LARP1: variants seen among roughly 807,000 people sequenced by gnomAD.
The protein encoded by LARP1 is La ribonucleoprotein 1, translational regulator, also known as la-related protein 1.
LARP1 carries 36 observed loss-of-function variants against 122.7 expected under a neutral mutation model. The observed-to-expected ratio is 0.29, with a 90% CI of 0.22 to 0.39. The LOEUF is 0.39. Among genes scored for constraint, LARP1 ranks in the 10% least tolerant of loss-of-function variants. The pLI, the probability that LARP1 is intolerant of heterozygous loss-of-function variation, is 1.00. For synonymous variants in LARP1, 539 were observed against 528.7 expected, an observed-to-expected ratio of 1.02 and a Z score of -0.27; for missense variants, 1,040 against 1,403.6, an observed-to-expected ratio of 0.74 and a Z score of 4.14.
rs1758421680 is a variant in LARP1 at position 154,802,428 on chromosome 5, G to A, written c.2109+29G>A. On this transcript the variant is annotated intron_variant, in intron 11 of 18. Coordinates refer to ENST00000518297, the MANE Select transcript of LARP1 (RefSeq NM_033551.3). The surrounding 1 kb of genome is among the most constrained non-coding windows in gnomAD (Gnocchi z 5.1). Reference sequence around the variant, plus strand: ...AGGCTTGGACATAGCAGTGAGTGTGGAGCCTGGTGTGCCTGTATTGTACGG... The same window carrying A: ...AGGCTTGGACATAGCAGTGAGTGTGAAGCCTGGTGTGCCTGTATTGTACGG... 1.3e-6 allele frequency: 2 copies of A among 1,557,762 alleles called. No individual in the cohort carries two copies. The highest frequency in any genetic ancestry group is 2.3e-5 in the East Asian group (1 of 44,370).
Position 154,815,004 on chromosome 5 carries a change from A to T in LARP1, c.*908A>T, listed in dbSNP as rs879413608. On this transcript the variant is annotated 3_prime_UTR_variant, in exon 19 of 19. Coordinates refer to ENST00000518297, the MANE Select transcript of LARP1 (RefSeq NM_033551.3). ...TTGTTTTTGGAAATAATATTTTTTTAAAAGTTGCCTTATTGTGGAGCGGGA... is the reference window on the plus strand; with the variant it reads ...TTGTTTTTGGAAATAATATTTTTTTTAAAGTTGCCTTATTGTGGAGCGGGA... The T allele has an allele frequency of 8.5e-5, 13 of 152,280 alleles. No homozygotes were observed. Among genetic ancestry groups the T allele is most frequent in the Non-Finnish European group, 1.3e-4 (9 of 67,956 alleles). 9.4% of individuals were successfully genotyped at this position (152,280 alleles called of 1,614,324 possible). A position where few individuals can be genotyped will look rare whatever the true frequency, so the allele number is the denominator to read the frequency against.
chr5:154,752,650 T>C (rs1381263566), upstream of LARP1, among the ~76,000 whole-genome samples: 2 of 152,060 alleles, frequency 1.3e-5, no homozygotes, highest in Non-Finnish European at 2.9e-5. Flanking sequence ...GCCTAAGATG[T>C]TGTCTCGGCC....
At chr5:154,804,765 T>G (rs781323582) in intron 14 of LARP1, 4 of 456,192 alleles carry the variant, frequency 8.8e-6, no homozygotes, top group Non-Finnish European at 1.3e-5. Flanking sequence ...TCTTTTTTAT[T>G]TATTTCAGTA....
intron 3 of LARP1, among the ~76,000 whole-genome samples, chr5:154,791,192 T>C (rs1254181244): frequency 2.1e-5 from 3 of 145,090 alleles, no homozygotes; most frequent in Non-Finnish European, 3.0e-5. Context: ...TGGAGTGCAA[T>C]GGTGTGATCT....
chr5:154,761,657 A>T (rs1185718467), intron 1 of LARP1, among the ~76,000 whole-genome samples: 1 of 152,158 alleles, frequency 6.6e-6, no homozygotes, highest in Non-Finnish European at 1.5e-5. Context: ...AGAGTGATCT[A>T]AGGGAGTGGC....
intron 4 of LARP1, among the ~76,000 whole-genome samples, chr5:154,793,269 G>A (rs1019301375): frequency 2.6e-5 from 4 of 152,128 alleles, no homozygotes; most frequent in African/African-American, 9.7e-5. Flanking sequence ...AGCTCTCGTA[G>A]GCAGTGTTTT....
intron 16 of LARP1, among the ~76,000 whole-genome samples, chr5:154,810,590 C>T (rs13181922): frequency 4.6e-5 from 7 of 151,942 alleles, no homozygotes; most frequent in African/African-American, 1.7e-4. Flanking sequence ...CAGGTTCAAG[C>T]GATTCTTCTG....
intron 1 of LARP1, among the ~76,000 whole-genome samples, chr5:154,780,312 C>T (rs534796424): frequency 9.2e-5 from 14 of 152,322 alleles, no homozygotes; most frequent in African/African-American, 3.4e-4. Context: ...AATGGGGCCC[C>T]TCTCAGAGCC....
At chr5:154,811,733 A>G (rs1312538029) in intron 18 of LARP1, 93 bp downstream of exon 18, 9 of 1,504,242 alleles carry the variant, frequency 6.0e-6, no homozygotes, top group Non-Finnish European at 8.2e-6. Flanking sequence ...CTGTGCCCCT[A>G]GCCCAGGAAC....
At chr5:154,772,904 C>G (rs1281403450) in intron 1 of LARP1, among the ~76,000 whole-genome samples, 3 of 151,244 alleles carry the variant, frequency 2.0e-5, no homozygotes, top group Non-Finnish European at 4.4e-5. Flanking sequence ...TCAGTCTGGT[C>G]TCGAACTCCT....
intron 1 of LARP1, among the ~76,000 whole-genome samples, chr5:154,772,557 A>T (rs777437646): frequency 2.2e-4 from 33 of 152,230 alleles, no homozygotes; most frequent in Non-Finnish European, 4.3e-4. Flanking sequence ...TCCTATACAT[A>T]TGTAACTGTG....
intron 1 of LARP1, among the ~76,000 whole-genome samples, chr5:154,757,475 C>G (rs576823551): frequency 6.6e-6 from 1 of 151,866 alleles, no homozygotes; most frequent in Non-Finnish European, 1.5e-5. Context: ...GTTTTGGGTC[C>G]GTTTGTGGTG....
chr5:154,686,721 G>A (rs576168507), intron 1 of LARP1, among the ~76,000 whole-genome samples: 30 of 152,274 alleles, frequency 2.0e-4, no homozygotes, highest in African/African-American at 7.2e-4. Flanking sequence ...TTTGGAGATG[G>A]CCGACAGACT....
rs560396146 is a variant in LARP1, at chr5:154,812,927, G to A, written c.3082-960G>A. ...CAATTATCTCCACCTGGTCCCTCCC[G>A]CGACATGTGGGGATTATGGGAACTA... is the stretch of plus-strand genomic sequence containing the variant. On this transcript the variant is annotated intron_variant, in intron 18 of 18. Transcript: ENST00000518297. Among the ~76,000 whole-genome samples, 29 of 152,244 alleles carry A rather than the reference G, an allele frequency of 1.9e-4. No individual in the cohort carries two copies. The South Asian group carries it at 5.6e-3, about 29-fold the overall frequency.
intron 1 of LARP1, among the ~76,000 whole-genome samples, chr5:154,692,585 T>G (rs755205851): frequency 1.3e-5 from 2 of 152,180 alleles, no homozygotes; most frequent in African/African-American, 2.4e-5. Context: ...ACACACCCTT[T>G]AAAGCCCAAA....
At chr5:154,795,106 C>A in intron 7 of LARP1, 69 bp from the exon 8 acceptor site, 2 of 1,472,794 alleles carry the variant, frequency 1.4e-6, no homozygotes, top group Non-Finnish European at 1.9e-6. Context: ...TGTAGCAGAA[C>A]AAGGAAGGCA....
At chr5:154,735,439 C>T (rs1031489494) in intron 1 of LARP1, among the ~76,000 whole-genome samples, 6 of 150,934 alleles carry the variant, frequency 4.0e-5, no homozygotes, top group African/African-American at 1.5e-4. Context: ...GGTGACAGAG[C>T]GAGACTCTGT....
chr5:154,798,131 G>A (rs540512931), intron 8 of LARP1, among the ~76,000 whole-genome samples: 1 of 152,246 alleles, frequency 6.6e-6, no homozygotes, highest in South Asian at 2.1e-4. Flanking sequence ...TTTAGAGATT[G>A]CTTTCTCCCT....
In LARP1 at chr5:154,776,031, G is replaced by A. The variant is rs544404959; in HGVS notation, c.437-14294G>A. ...TTAGTATTTTAAAGTAAATATGGCC[G>A]GGCTTGGTGGCTTAACTCCTGTAAC... is the stretch of plus-strand genomic sequence containing the variant. On this transcript the variant is annotated intron_variant, in intron 1 of 18. Transcript: ENST00000518297. Among the ~76,000 whole-genome samples, 135 of 152,116 alleles carry A rather than the reference G, an allele frequency of 8.9e-4. 1 individual carries two copies. Among genetic ancestry groups the A allele is most frequent in the Admixed American group, 1.4e-3 (21 of 15,270 alleles).
Sources: allele counts gnomAD v4.1 joint callset (sites outside exome capture counted in the v4.1 genomes callset), GRCh38; gene constraint gnomAD v4.1.1; non-coding constraint Gnocchi (gnomAD v3.1); transcripts MANE v1.5; gene names NCBI Gene and HGNC (gene_info 2026-07-23, HGNC 2026-07-21).